PCDHGA3: variants seen among roughly 807,000 people sequenced by gnomAD.
PCDHGA3 encodes the protein protocadherin gamma-A3.
In PCDHGA3, 40 loss-of-function variants were observed where a neutral mutation model predicts 58.5. The ratio of observed to expected loss-of-function variants is 0.68; its 90% CI spans 0.53 to 0.89. The LOEUF is 0.89. PCDHGA3 is among the 40% of genes least tolerant of loss of function. The pLI, the probability that PCDHGA3 is intolerant of heterozygous loss-of-function variation, is 0.00. For missense variants in PCDHGA3, 1,223 were observed against 1,195.9 expected (o/e 1.02, Z -0.33); for synonymous variants, 530 against 525.7 (o/e 1.01, Z -0.11).
chr5:141,344,388 G>A lies in PCDHGA3; in HGVS notation c.355G>A (p.Val119Ile). Residue 119 changes from valine (V) to isoleucine (I), a missense_variant, in exon 1 of 4, where the codon GTA becomes ATA. Around this residue, in one of 3 missense-constraint regions of PCDHGA3, gnomAD observed 791 missense variants for 708.5 expected, o/e 1.12. Transcript: ENST00000253812. ...TGAGGATAAATTGAAAATTTTTGAA[G>A]TAGAAATAGAAATTAAAGATATTAA... ...LVEDKLKIFEVEIEIKDINDN... is the reference protein window; with the variant it reads ...LVEDKLKIFEIEIEIKDINDN... The A allele has an allele frequency of 2.5e-6, 4 of 1,612,378 alleles. No homozygotes were observed. Among genetic ancestry groups the A allele is most frequent in the East Asian group, 2.2e-5 (1 of 44,872 alleles).
intron 1 of PCDHGA3, chr5:141,403,630 G>A (rs2094436948): frequency 3.1e-6 from 5 of 1,613,786 alleles, no homozygotes; most frequent in Middle Eastern, 3.3e-4. Flanking sequence ...CCAGCACAGT[G>A]CGCATCCATG....
At chr5:141,354,845 A>G (rs1204240079) in intron 1 of PCDHGA3, among the ~76,000 whole-genome samples, 2 of 152,228 alleles carry the variant, frequency 1.3e-5, no homozygotes, top group Non-Finnish European at 2.9e-5. Context: ...TCATTCTTGA[A>G]TTTTCATTGC....
chr5:141,356,960 T>C (rs1760409535), intron 1 of PCDHGA3: 2 of 1,614,210 alleles, frequency 1.2e-6, no homozygotes, highest in Non-Finnish European at 8.5e-7. Context: ...TCCGGCTACC[T>C]GGTGACCAAA....
In PCDHGA3 at chr5:141,374,712, T is replaced by C. The variant is rs745500934; in HGVS notation, c.2424+28255T>C. The stretch of plus-strand genomic sequence containing the variant: ...CGGGAAGGAGAAGCCGTTTACCGCC[T>C]GGTCCTTACTGCCATGGATGGCGGC... On this transcript the variant is annotated intron_variant, in intron 1 of 3. Transcript: ENST00000253812. The C allele has an allele frequency of 6.2e-7, 1 of 1,609,662 alleles. No individual in the cohort carries two copies. The highest frequency in any genetic ancestry group is 8.5e-7 in the Non-Finnish European group (1 of 1,177,766).
chr5:141,357,800 T>A, intron 1 of PCDHGA3: 1 of 795,686 alleles, frequency 1.3e-6, no homozygotes, highest in East Asian at 2.7e-5. Flanking sequence ...CACACAAAAA[T>A]GTTGTTTATT....
chr5:141,456,576 A>C (rs1383992335), intron 1 of PCDHGA3, among the ~76,000 whole-genome samples: 2 of 152,188 alleles, frequency 1.3e-5, no homozygotes, highest in African/African-American at 4.8e-5. Context: ...ATTTTCCCTG[A>C]GCCTGTCAAT....
At chr5:141,430,327 T>C (rs1250968800) in intron 1 of PCDHGA3, among the ~76,000 whole-genome samples, 7 of 152,042 alleles carry the variant, frequency 4.6e-5, no homozygotes, top group Non-Finnish European at 1.5e-5. Context: ...AAAATCATTG[T>C]TTATAGAAAC....
chr5:141,418,670 G>T (rs767728571), intron 1 of PCDHGA3: 2 of 1,614,042 alleles, frequency 1.2e-6, no homozygotes, highest in Non-Finnish European at 1.7e-6. Context: ...TGACCAGGAC[G>T]AGGGCATCAA....
chr5:141,350,007 C>G, intron 1 of PCDHGA3: 1 of 351,198 alleles, frequency 2.8e-6, no homozygotes, highest in Non-Finnish European at 5.1e-6. Flanking sequence ...AAAAGCTGGG[C>G]CCTGTGCAGT....
Position 141,356,927 on chromosome 5 carries a change from A to G in PCDHGA3, c.2424+10470A>G, listed in dbSNP as rs370703774. The G allele has an allele frequency of 5.0e-6, 8 of 1,614,044 alleles. No homozygotes were observed. The highest frequency in any genetic ancestry group is 1.1e-5 in the South Asian group (1 of 91,086). On this transcript the variant is annotated intron_variant, in intron 1 of 3. Coordinates refer to ENST00000253812, the MANE Select transcript of PCDHGA3 (RefSeq NM_018916.4). Reference sequence around the variant, plus strand: ...CCTACTGATGGCTCCACTGGTGTGGAGCTGGCACCCCGCTCCGCAGATTCC... The same window carrying G: ...CCTACTGATGGCTCCACTGGTGTGGGGCTGGCACCCCGCTCCGCAGATTCC...
chr5:141,374,157 G>A (rs1394990278), intron 1 of PCDHGA3: 1 of 1,612,216 alleles, frequency 6.2e-7, no homozygotes, highest in African/African-American at 1.3e-5. Flanking sequence ...ACGCTGTGGG[G>A]GGCCGCGGCA....
chr5:141,400,150 C>T (rs1375670164), intron 1 of PCDHGA3: 3 of 1,613,952 alleles, frequency 1.9e-6, no homozygotes, highest in Non-Finnish European at 2.5e-6. Flanking sequence ...CACTGACCGC[C>T]CTGTACCCTC....
chr5:141,366,429 T>C (rs1316802460), intron 1 of PCDHGA3: 2 of 1,614,110 alleles, frequency 1.2e-6, no homozygotes, highest in Admixed American at 3.3e-5. Context: ...GTGGCTGCAG[T>C]CTCCTGCGTC....
intron 1 of PCDHGA3, among the ~76,000 whole-genome samples, chr5:141,453,999 A>C (rs1561953352): frequency 6.6e-6 from 1 of 152,258 alleles, no homozygotes; most frequent in South Asian, 2.1e-4. Flanking sequence ...ATAAACCCAC[A>C]TAACATTTTA....
At chr5:141,458,630 C>T (rs575289408) in intron 1 of PCDHGA3, among the ~76,000 whole-genome samples, 1 of 151,864 alleles carries the variant, frequency 6.6e-6, no homozygotes, top group Admixed American at 6.6e-5. Flanking sequence ...AGTGCAGTGG[C>T]ACAATCCCAG....
chr5:141,390,509 A>G, intron 1 of PCDHGA3: 1 of 590,022 alleles, frequency 1.7e-6, no homozygotes, highest in Non-Finnish European at 2.9e-6. Flanking sequence ...GCTTAGATTT[A>G]TAAAGCAATG....
At position 141,372,141 on chromosome 5, in the gene PCDHGA3, G is replaced by C. The variant is rs780330964; in HGVS notation, c.2424+25684G>C. On this transcript the variant is annotated intron_variant, in intron 1 of 3. Coordinates refer to ENST00000253812, the MANE Select transcript of PCDHGA3 (RefSeq NM_018916.4). ...CTTCGATATGGTGCCGCGCTCTGCAGAGCCTGGCTACCTGGTGACCAAGGT... is the reference window on the plus strand; with the variant it reads ...CTTCGATATGGTGCCGCGCTCTGCACAGCCTGGCTACCTGGTGACCAAGGT... 5.0e-6 allele frequency: 8 copies of C among 1,613,774 alleles called. No individual in the cohort carries two copies. The East Asian group carries it at 1.6e-4, about 31-fold the overall frequency.
chr5:141,456,353 G>A (rs1041991824), intron 1 of PCDHGA3, among the ~76,000 whole-genome samples: 2 of 152,120 alleles, frequency 1.3e-5, no homozygotes, highest in South Asian at 2.1e-4. Context: ...GAAGAATGGC[G>A]TCCATGTGTG....
At chr5:141,457,475 G>T (rs1203288452) in intron 1 of PCDHGA3, among the ~76,000 whole-genome samples, 1 of 152,142 alleles carries the variant, frequency 6.6e-6, no homozygotes, top group East Asian at 1.9e-4. Flanking sequence ...AATAAGCAGG[G>T]CCAGGGTTAG....
Sources: allele counts gnomAD v4.1 joint callset (sites outside exome capture counted in the v4.1 genomes callset), GRCh38; gene constraint gnomAD v4.1.1; regional missense constraint gnomAD v4.1.1; transcripts MANE v1.5; gene names NCBI Gene and HGNC (gene_info 2026-07-23, HGNC 2026-07-21).